The following REDIC1 variants were observed in gnomAD, a reference collection of about 807,000 sequenced individuals.
REDIC1 encodes the protein regulator of DNA class I crossover intermediates 1.
the REDIC1 span, among the ~76,000 whole-genome samples, chr12:39,679,048 A>T: frequency 6.6e-6 from 1 of 152,180 alleles, no homozygotes; most frequent in South Asian, 2.1e-4. Flanking sequence ...CAAGACAAGG[A>T]TGCCCACTTT....
At chr12:39,644,498 A>G in the REDIC1 span, among the ~76,000 whole-genome samples, 1 of 151,818 alleles carries the variant, frequency 6.6e-6, no homozygotes, top group African/African-American at 2.4e-5. Flanking sequence ...TCTGATATTT[A>G]ATTTTTAAAA....
At chr12:39,861,514 C>T in the REDIC1 span, among the ~76,000 whole-genome samples, 80 of 152,192 alleles carry the variant, frequency 5.3e-4, 1 homozygote, top group African/African-American at 1.9e-3. Flanking sequence ...AATAATAATA[C>T]GTCAAGTATT....
At chr12:39,647,186 C>T in the REDIC1 span, among the ~76,000 whole-genome samples, 3 of 151,954 alleles carry the variant, frequency 2.0e-5, no homozygotes, top group Non-Finnish European at 2.9e-5. Context: ...TTTGGGTTCA[C>T]GTGATTATTG....
At chr12:39,640,233 G>A in the REDIC1 span, among the ~76,000 whole-genome samples, 1 of 151,722 alleles carries the variant, frequency 6.6e-6, no homozygotes, top group African/African-American at 2.4e-5. Context: ...TTGTGAAAGA[G>A]GCTACGTAGA....
the REDIC1 span, among the ~76,000 whole-genome samples, chr12:39,879,338 A>G: frequency 6.6e-6 from 1 of 152,152 alleles, no homozygotes; most frequent in South Asian, 2.1e-4. Context: ...AGACCCCAGA[A>G]TGGTAGATCT....
chr12:39,648,363 T>C, the REDIC1 span, among the ~76,000 whole-genome samples: 2 of 151,756 alleles, frequency 1.3e-5, no homozygotes, highest in Non-Finnish European at 2.9e-5. Flanking sequence ...CAATATACAG[T>C]TTCAGAGATG....
chr12:39,650,197 A>T, the REDIC1 span: 1 of 1,502,442 alleles, frequency 6.7e-7, no homozygotes, highest in Non-Finnish European at 8.9e-7. The surrounding 1 kb of genome is among the most constrained non-coding windows in gnomAD (Gnocchi z 4.3). Flanking sequence ...GTATATATGT[A>T]CATTTACTAT....
At chr12:39,721,489 AAAT>A in the REDIC1 span, 1 of 400,228 alleles carries the variant, frequency 2.5e-6, no homozygotes. Flanking sequence ...AGTTTTTAGA[AAAT>A]AATATATTTG....
the REDIC1 span, among the ~76,000 whole-genome samples, chr12:39,839,323 CCT>C: frequency 6.6e-6 from 1 of 151,970 alleles, no homozygotes; most frequent in Non-Finnish European, 1.5e-5. Context: ...CGGTTGATTT[CCT>C]CTCCCTGTTT....
chr12:39,833,623 A>G, the REDIC1 span, among the ~76,000 whole-genome samples: 1 of 152,098 alleles, frequency 6.6e-6, no homozygotes, highest in East Asian at 1.9e-4. Context: ...GAGAAATAAC[A>G]CAACCAGGCA....
the REDIC1 span, among the ~76,000 whole-genome samples, chr12:39,654,192 A>G: frequency 2.0e-5 from 3 of 152,024 alleles, no homozygotes; most frequent in Admixed American, 6.6e-5. Flanking sequence ...TGCTCCTTCC[A>G]TGTCTCTTGA....
At chr12:39,741,593 A>AT in the REDIC1 span, among the ~76,000 whole-genome samples, 3 of 152,200 alleles carry the variant, frequency 2.0e-5, no homozygotes, top group Admixed American at 1.3e-4. Flanking sequence ...CCTGGGAAAA[A>AT]TAAAAACCCA....
At chr12:39,692,100 A>C in the REDIC1 span, 1 of 1,575,994 alleles carries the variant, frequency 6.3e-7, no homozygotes, top group South Asian at 1.2e-5. Flanking sequence ...GCGAATATCT[A>C]CTAAGAAAAT....
the REDIC1 span, among the ~76,000 whole-genome samples, chr12:39,778,407 GA>G: frequency 2.0e-5 from 3 of 152,090 alleles, no homozygotes; most frequent in Non-Finnish European, 2.9e-5. Flanking sequence ...CTTCCTGGGG[GA>G]AAGTGTCTCA....
chr12:39,746,916 A>G, the REDIC1 span, among the ~76,000 whole-genome samples: 1 of 152,192 alleles, frequency 6.6e-6, no homozygotes, highest in Non-Finnish European at 1.5e-5. Flanking sequence ...CACACCAAAA[A>G]CTTATCTGTA....
At chr12:39,682,941 C>G in the REDIC1 span, 1 of 1,613,364 alleles carries the variant, frequency 6.2e-7, no homozygotes, top group Non-Finnish European at 8.5e-7. Context: ...CTGATAAAAA[C>G]CATGTCACTG....
At chr12:39,890,635 A>T in the REDIC1 span, among the ~76,000 whole-genome samples, 1 of 152,118 alleles carries the variant, frequency 6.6e-6, no homozygotes, top group African/African-American at 2.4e-5. Flanking sequence ...GTTTTCTTTT[A>T]TTTTTAATTG....
At chr12:39,700,052 G>T in the REDIC1 span, among the ~76,000 whole-genome samples, 6 of 152,094 alleles carry the variant, frequency 3.9e-5, no homozygotes, top group Admixed American at 3.3e-4. Flanking sequence ...CCAAAGGAAC[G>T]CAGTTCCTCA....
At chr12:39,754,570 A>T in the REDIC1 span, among the ~76,000 whole-genome samples, 1 of 152,098 alleles carries the variant, frequency 6.6e-6, no homozygotes, top group East Asian at 1.9e-4. Flanking sequence ...AAACAAGTGT[A>T]TATTTGCTAA....
Sources: gnomAD v4.1 joint callset for allele counts (sites outside exome capture counted in the v4.1 genomes callset) on GRCh38, gnomAD v4.1.1 for gene constraint, Gnocchi (gnomAD v3.1) non-coding constraint, MANE v1.5 for transcripts, NCBI Gene and HGNC (gene_info 2026-07-23, HGNC 2026-07-21) for gene names.